The following BICD1 variants were observed in gnomAD, a reference collection of about 807,000 sequenced individuals.
The protein encoded by BICD1 is BICD cargo adaptor 1, also known as protein bicaudal D homolog 1.
Under a neutral mutation model 92.5 loss-of-function variants are expected in BICD1, and 35 were observed. That is an observed-to-expected ratio of 0.38 (90% CI 0.29 to 0.50). BICD1 has a LOEUF of 0.50. Ranked by LOEUF, BICD1 falls within the 20% of genes least tolerant of loss-of-function variation. The pLI, the probability that BICD1 is intolerant of heterozygous loss-of-function variation, is 0.93. For synonymous variants in BICD1, 429 were observed against 465.1 expected (o/e 0.92, Z 1.00); for missense variants, 950 against 1,189.8 (o/e 0.80, Z 2.97).
At chr12:32,224,752 A>AG (rs377562061) in intron 2 of BICD1, among the ~76,000 whole-genome samples, 1 of 152,194 alleles carries the variant, frequency 6.6e-6, no homozygotes, top group Admixed American at 6.5e-5. Context: ...CCCAGGCTGG[A>AG]GTGCAGTGTT....
chr12:32,126,779 C>T lies in BICD1; in HGVS notation c.213+19235C>T, dbSNP rs1478048294. Among the ~76,000 whole-genome samples, 7 of 151,932 alleles carry T rather than the reference C, an allele frequency of 4.6e-5. No individual in the cohort carries two copies. The South Asian group carries it at 1.3e-3, about 27-fold the overall frequency. On this transcript the variant is annotated intron_variant, in intron 1 of 9. Coordinates refer to ENST00000652176, the MANE Select transcript of BICD1 (RefSeq NM_001714.4). ...TCTGTTTAAAAAAAAAGAAAAAGACCCTGCAGAAATTAAAATTGTAAAAAT... is the reference window on the plus strand; with the variant it reads ...TCTGTTTAAAAAAAAAGAAAAAGACTCTGCAGAAATTAAAATTGTAAAAAT...
chr12:32,322,449 C>T (rs950350063), intron 4 of BICD1, among the ~76,000 whole-genome samples: 1 of 152,132 alleles, frequency 6.6e-6, no homozygotes, highest in Non-Finnish European at 1.5e-5. Flanking sequence ...CTAGATCCCT[C>T]GCATGCGCAG....
Position 32,305,869 on chromosome 12 carries a change from A to T in BICD1, c.752A>T (p.Glu251Val). 6.2e-7 allele frequency: 1 copy of T among 1,614,216 alleles called. No individual in the cohort carries two copies. Among genetic ancestry groups the T allele is most frequent in the Non-Finnish European group, 8.5e-7 (1 of 1,180,034 alleles). ...GAGCAAAAGAACAACCTGCGGAAGG[A>T]GCTCTCCCAGTATATCAGCCTCAAT... ...EREQKNNLRKELSQYISLNDN... is the reference protein window; with the variant it reads ...EREQKNNLRKVLSQYISLNDN... The change falls in exon 4 of 10, where the codon GAG becomes GTG. Residue 251 changes from glutamate to valine, a missense_variant. Physicochemically the swap from Glu to Val is moderately radical, Grantham distance 121. Around this residue, in one of 5 missense-constraint regions of BICD1, gnomAD observed 246 missense variants for 258.4 expected, o/e 0.95. Coordinates refer to ENST00000652176, the MANE Select transcript of BICD1 (RefSeq NM_001714.4).
intron 1 of BICD1, among the ~76,000 whole-genome samples, chr12:32,138,754 A>G (rs1053805218): frequency 4.3e-4 from 65 of 152,138 alleles, no homozygotes; most frequent in Non-Finnish European, 7.1e-4. Flanking sequence ...AGGCGTATTA[A>G]ATGTATTTTT....
At chr12:32,314,044 C>A (rs1284094471) in intron 4 of BICD1, among the ~76,000 whole-genome samples, 1 of 152,164 alleles carries the variant, frequency 6.6e-6, no homozygotes, top group Non-Finnish European at 1.5e-5. Flanking sequence ...TGACTGGCTT[C>A]TTTCACTTAG....
intron 1 of BICD1, among the ~76,000 whole-genome samples, chr12:32,211,030 A>G (rs1945198790): frequency 2.0e-5 from 3 of 152,202 alleles, no homozygotes; most frequent in Non-Finnish European, 1.5e-5. Flanking sequence ...GTCATGCCCA[A>G]TTCTAGTTGC....
At chr12:32,169,210 A>G (rs1340928391) in intron 1 of BICD1, among the ~76,000 whole-genome samples, 2 of 152,170 alleles carry the variant, frequency 1.3e-5, no homozygotes, top group African/African-American at 4.8e-5. Flanking sequence ...AGATCAATGG[A>G]AAAATTATTT....
intron 1 of BICD1, among the ~76,000 whole-genome samples, chr12:32,139,550 C>T (rs1454046231): frequency 6.6e-6 from 1 of 152,130 alleles, no homozygotes; most frequent in African/African-American, 2.4e-5. Flanking sequence ...ATACGGTGGG[C>T]ACAAAGGGTT....
intron 9 of BICD1, among the ~76,000 whole-genome samples, chr12:32,372,370 C>T (rs1233956565): frequency 2.6e-5 from 4 of 152,134 alleles, no homozygotes; most frequent in Non-Finnish European, 4.4e-5. Flanking sequence ...ATCCCAGCTC[C>T]TCAGGAGGCT....
intron 1 of BICD1, among the ~76,000 whole-genome samples, chr12:32,146,372 A>G (rs537803460): frequency 6.6e-6 from 1 of 152,170 alleles, no homozygotes; most frequent in African/African-American, 2.4e-5. Flanking sequence ...GATGTTTTAA[A>G]AAAGTGTTTT....
chr12:32,189,512 C>T (rs1236751007), intron 1 of BICD1, among the ~76,000 whole-genome samples: 1 of 152,142 alleles, frequency 6.6e-6, no homozygotes, highest in Non-Finnish European at 1.5e-5. Flanking sequence ...GGTTAAATAA[C>T]ATCAGGCAAA....
In BICD1 at chr12:32,348,723, AATATATATATATATATATATATAT is replaced by A. The variant is rs11272207; in HGVS notation, c.2764+9777_2764+9800del. ...AATGATGCTTTCTAGCTCACACAAA[AATATATATATATATATATATATAT>A]ATATATATATATATATATATATATA... On this transcript the variant is annotated intron_variant, in intron 8 of 9. Transcript: ENST00000652176. Among the ~76,000 whole-genome samples, 157 of 118,012 alleles carry A rather than the reference AATATATATATATATATATATATAT, an allele frequency of 1.3e-3. 2 individuals carry two copies. The highest frequency in any genetic ancestry group is 8.8e-3 in the Middle Eastern group (2 of 226). The allele number at this position is 118,012 out of a possible 152,430, so 77.4% of individuals were successfully genotyped here.
chr12:32,282,779 T>C (rs952874447), intron 2 of BICD1, among the ~76,000 whole-genome samples: 1 of 152,060 alleles, frequency 6.6e-6, no homozygotes, highest in Admixed American at 6.5e-5. Context: ...AGAAAGTGTT[T>C]CCAAAAGCAA....
At chr12:32,168,830 C>T (rs1027434466) in intron 1 of BICD1, among the ~76,000 whole-genome samples, 3 of 152,066 alleles carry the variant, frequency 2.0e-5, no homozygotes, top group East Asian at 1.9e-4. Flanking sequence ...GTGTTTGTGG[C>T]GGGTACCTGT....
intron 8 of BICD1, among the ~76,000 whole-genome samples, chr12:32,341,123 T>C (rs776679782): frequency 6.6e-6 from 1 of 152,214 alleles, no homozygotes; most frequent in Non-Finnish European, 1.5e-5. Flanking sequence ...TATATTGTCT[T>C]AAACTCTTTA....
chr12:32,316,236 GA>G (rs1203171539), intron 4 of BICD1, among the ~76,000 whole-genome samples: 13 of 151,844 alleles, frequency 8.6e-5, no homozygotes, highest in Admixed American at 6.6e-4. Context: ...GACTAAGCTA[GA>G]ATGTTTGGTA....
At chr12:32,290,126 T>C (rs1160323524) in intron 2 of BICD1, among the ~76,000 whole-genome samples, 1 of 122,738 alleles carries the variant, frequency 8.1e-6, no homozygotes, top group Non-Finnish European at 1.8e-5. Flanking sequence ...CCTAGAAGCA[T>C]TCTGAATAAC....
At chr12:32,203,443 C>T (rs1292156793) in intron 1 of BICD1, among the ~76,000 whole-genome samples, 2 of 152,098 alleles carry the variant, frequency 1.3e-5, no homozygotes, top group Non-Finnish European at 2.9e-5. Flanking sequence ...GTGTGGCAGG[C>T]ACACCTGACA....
chr12:32,367,853 A>C, intron 9 of BICD1, 108 bp downstream of exon 9: 1 of 1,022,070 alleles, frequency 9.8e-7, no homozygotes, highest in Non-Finnish European at 1.5e-6. Context: ...ATTTTGCTGT[A>C]TTTTATTTCA....
Sources: gnomAD v4.1 joint callset for allele counts (sites outside exome capture counted in the v4.1 genomes callset) on GRCh38, gnomAD v4.1.1 for gene constraint, gnomAD v4.1.1 regional missense constraint, MANE v1.5 for transcripts, NCBI Gene and HGNC (gene_info 2026-07-23, HGNC 2026-07-21) for gene names.